The following FAT1 variants were observed in gnomAD, a reference collection of about 807,000 sequenced individuals.
FAT1 encodes the protein FAT atypical cadherin 1.
A neutral mutation model predicts 329.8 loss-of-function variants in FAT1; 171 were observed. The ratio of observed to expected loss-of-function variants is 0.52; its 90% CI spans 0.46 to 0.59. FAT1 has a LOEUF of 0.59. Ranked by LOEUF, FAT1 falls within the 20% of genes least tolerant of loss-of-function variation. The pLI, the probability that FAT1 is intolerant of heterozygous loss-of-function variation, is 0.00. For missense variants in FAT1, 5,672 were observed against 5,774.4 expected, an observed-to-expected ratio of 0.98 and a Z score of 0.57; for synonymous variants, 2,233 against 2,228.6, an observed-to-expected ratio of 1.00 and a Z score of -0.06.
At chr4:186,713,809 T>A (rs1745083057) in intron 1 of FAT1, among the ~76,000 whole-genome samples, 1 of 152,094 alleles carries the variant, frequency 6.6e-6, no homozygotes, top group Non-Finnish European at 1.5e-5. Flanking sequence ...AGATTTAGAC[T>A]GACAGAATTT....
intron 3 of FAT1, among the ~76,000 whole-genome samples, chr4:186,652,999 A>G (rs935293057): frequency 6.6e-6 from 1 of 152,214 alleles, no homozygotes; most frequent in African/African-American, 2.4e-5. Flanking sequence ...TTCTATACTA[A>G]ATACAGGATT....
intron 10 of FAT1, 86 bp from the exon 11 acceptor site, chr4:186,617,287 G>T (rs1479832156): frequency 2.2e-6 from 2 of 923,650 alleles, no homozygotes; most frequent in African/African-American, 1.7e-5. Flanking sequence ...TACAAAAGAT[G>T]TATAATGTTA....
At chr4:186,643,799 C>A (rs968270069) in intron 3 of FAT1, among the ~76,000 whole-genome samples, 53 of 142,412 alleles carry the variant, frequency 3.7e-4, no homozygotes, top group African/African-American at 1.2e-3. Flanking sequence ...CCCCCCCCCA[C>A]CCCCACCCAC....
intron 2 of FAT1, among the ~76,000 whole-genome samples, chr4:186,686,272 G>T (rs1014627206): frequency 1.4e-5 from 2 of 143,558 alleles, no homozygotes; most frequent in Non-Finnish European, 3.0e-5. Flanking sequence ...AACATGTAGC[G>T]ATTTTTTTCC....
intron 7 of FAT1, 81 bp downstream of exon 7, chr4:186,633,603 G>A (rs891900980): frequency 7.1e-5 from 105 of 1,482,780 alleles, no homozygotes; most frequent in Non-Finnish European, 8.9e-5. Context: ...AGAATCCACC[G>A]CTCATATTGC....
At chr4:186,671,905 G>A (rs1742750308) in intron 2 of FAT1, among the ~76,000 whole-genome samples, 1 of 151,954 alleles carries the variant, frequency 6.6e-6, no homozygotes, top group Admixed American at 6.6e-5. Context: ...GACTAAAATA[G>A]AACAAGAAAT....
intron 4 of FAT1, among the ~76,000 whole-genome samples, 195 bp from the exon 5 acceptor site, chr4:186,637,109 G>A (rs1740868745): frequency 6.6e-6 from 1 of 152,150 alleles, no homozygotes. Flanking sequence ...TCTACAGGGA[G>A]AGAGTCAGGG....
At position 186,597,692 on chromosome 4, in the gene FAT1, T is replaced by C; in HGVS notation, c.12358A>G (p.Arg4120Gly). The C allele has an allele frequency of 6.2e-7, 1 of 1,613,662 alleles. No homozygotes were observed. Among genetic ancestry groups the C allele is most frequent in the Non-Finnish European group, 8.5e-7 (1 of 1,179,664 alleles). The change falls in exon 24 of 27, where the codon AGG (arginine) becomes GGG (glycine). Residue 4120 changes from arginine (R) to glycine (G), a missense_variant. By Grantham distance (125) the Arg-to-Gly change is moderately radical. Transcript: ENST00000441802. ...GAVCQCDSGF[R>G]GERCQSDIDE... ...AAAGAAACCATTTACCTTTCTCCCCTAAAACCCGAATCACACTGACAAACG... is the reference window on the plus strand; with the variant it reads ...AAAGAAACCATTTACCTTTCTCCCCCAAAACCCGAATCACACTGACAAACG...
intron 20 of FAT1, among the ~76,000 whole-genome samples, chr4:186,601,976 A>G (rs977610273): frequency 6.6e-6 from 1 of 152,216 alleles, no homozygotes; most frequent in African/African-American, 2.4e-5. Flanking sequence ...AATACTCCTA[A>G]TACACAAGTA....
intron 3 of FAT1, among the ~76,000 whole-genome samples, chr4:186,644,984 C>T (rs1352583496): frequency 6.6e-6 from 1 of 152,104 alleles, no homozygotes; most frequent in Non-Finnish European, 1.5e-5. Flanking sequence ...AACAGTAAGA[C>T]AGGATAGATT....
At chr4:186,592,038 T>C (rs780071804) in intron 26 of FAT1, among the ~76,000 whole-genome samples, 5 of 152,198 alleles carry the variant, frequency 3.3e-5, no homozygotes, top group South Asian at 2.1e-4. Context: ...GAACCAGCAA[T>C]TGGGCTTTTA....
intron 25 of FAT1, 36 bp from the exon 26 acceptor site, chr4:186,595,862 C>A: frequency 6.2e-7 from 1 of 1,610,828 alleles, no homozygotes; most frequent in Non-Finnish European, 8.5e-7. Flanking sequence ...AGTATATGGG[C>A]CAAGACGGTT....
At chr4:186,608,122 T>A (rs1420148301) in intron 16 of FAT1, among the ~76,000 whole-genome samples, 2 of 152,226 alleles carry the variant, frequency 1.3e-5, no homozygotes, top group Non-Finnish European at 2.9e-5. Flanking sequence ...TCAGGCTGCC[T>A]CTGACACCAA....
chr4:186,709,105 G>T lies in FAT1; in HGVS notation c.723C>A (p.Ala241=), dbSNP rs2126701576. The T allele has an allele frequency of 6.2e-7, 1 of 1,613,786 alleles. No homozygotes were observed. ...CCTGTTCGATGTGCACCGTTAGCTTGGCCATGCTGCTGATGCCACTGCTCC... is the reference window on the plus strand; with the variant it reads ...CCTGTTCGATGTGCACCGTTAGCTTTGCCATGCTGCTGATGCCACTGCTCC... ...LYGSSGISSM[A]KLTVHIEQAN... Residue 241 remains alanine, a synonymous_variant, in exon 2 of 27, where the codon GCC becomes GCA. Coordinates refer to ENST00000441802, the MANE Select transcript of FAT1 (RefSeq NM_005245.4).
intron 2 of FAT1, among the ~76,000 whole-genome samples, chr4:186,676,257 A>C (rs1180165223): frequency 6.6e-6 from 1 of 151,290 alleles, no homozygotes. Context: ...TTTTAAAAAA[A>C]TAAATGTCAA....
intron 1 of FAT1, among the ~76,000 whole-genome samples, chr4:186,712,867 C>G (rs544995403): frequency 6.6e-6 from 1 of 152,202 alleles, no homozygotes; most frequent in South Asian, 2.1e-4. Flanking sequence ...AGTCACACCC[C>G]GCAGAGAAGC....
intron 2 of FAT1, among the ~76,000 whole-genome samples, chr4:186,665,678 A>G (rs1170083514): frequency 1.3e-5 from 2 of 152,152 alleles, no homozygotes; most frequent in Non-Finnish European, 2.9e-5. Flanking sequence ...TTTGCTGTGC[A>G]GAAGCTCTTT....
At chr4:186,655,571 A>AT (rs1270108555) in intron 3 of FAT1, among the ~76,000 whole-genome samples, 1 of 151,848 alleles carries the variant, frequency 6.6e-6, no homozygotes, top group East Asian at 1.9e-4. Flanking sequence ...AGTAGCTGGG[A>AT]TTACAGGTGT....
chr4:186,628,408 TA>T (rs1740425750), intron 8 of FAT1, 44 bp from the exon 9 acceptor site: 1 of 1,609,144 alleles, frequency 6.2e-7, no homozygotes, highest in African/African-American at 1.3e-5. Context: ...GTGCTTTCCT[TA>T]TAACTAATTA....
Sources: allele counts gnomAD v4.1 joint callset (sites outside exome capture counted in the v4.1 genomes callset), GRCh38; gene constraint gnomAD v4.1.1; transcripts MANE v1.5; gene names NCBI Gene and HGNC (gene_info 2026-07-23, HGNC 2026-07-21).